Variants in FAM53C observed in about 807,000 individuals in gnomAD.
The protein encoded by FAM53C is protein FAM53C.
FAM53C carries 10 observed loss-of-function variants against 34.7 expected under a neutral mutation model. The ratio of observed to expected loss-of-function variants is 0.29; its 90% CI spans 0.18 to 0.49. FAM53C has a LOEUF of 0.49. FAM53C is among the 20% of genes least tolerant of loss of function. The pLI is 0.99. For missense variants in FAM53C, 442 were observed against 515.3 expected (o/e 0.86, Z 1.38); for synonymous variants, 203 against 203.6 (o/e 1.00, Z 0.03).
chr5:138,344,349 T>G (rs1761110758), intron 3 of FAM53C, among the ~76,000 whole-genome samples: 1 of 152,184 alleles, frequency 6.6e-6, no homozygotes, highest in Non-Finnish European at 1.5e-5. Context: ...CTTGGTGCTG[T>G]TGACACATGA....
intron 1 of FAM53C, among the ~76,000 whole-genome samples, chr5:138,339,545 T>G (rs1366944467): frequency 1.3e-5 from 2 of 152,214 alleles, no homozygotes; most frequent in Non-Finnish European, 2.9e-5. Context: ...GAGAGTTTGC[T>G]TCATTCCCTG....
At position 138,341,271 on chromosome 5, in the gene FAM53C, A is replaced by G; in HGVS notation, c.-65A>G. The G allele has an allele frequency of 7.2e-7, 1 of 1,391,866 alleles. No individual in the cohort carries two copies. 86.2% of individuals were successfully genotyped at this position (1,391,866 alleles called of 1,614,324 possible). ...AAGACGGCTCACAAGTGAGGTCTGG[A>G]AGAACAACAGGGAAGACATCCATCA... On this transcript the variant is annotated 5_prime_UTR_variant, in exon 2 of 5. Transcript: ENST00000239906.
intron 1 of FAM53C, 141 bp downstream of exon 1, chr5:138,338,448 G>C (rs1285195420): frequency 3.0e-6 from 1 of 330,878 alleles, no homozygotes. Context: ...GAGAGCACGG[G>C]ACCCGGTGGG....
At chr5:138,338,197 A>G (rs1299990238), upstream of FAM53C, 1 of 1,281,002 alleles carries the variant, frequency 7.8e-7, no homozygotes, top group Non-Finnish European at 1.0e-6. Context: ...CTGTCCCCCT[A>G]CTCTCCTCAG....
chr5:138,345,310 G>A lies in FAM53C; in HGVS notation c.622G>A (p.Ala208Thr), dbSNP rs750168384. The A allele has an allele frequency of 8.1e-6, 13 of 1,614,024 alleles. No individual in the cohort carries two copies. The highest frequency in any genetic ancestry group is 4.5e-5 in the East Asian group (2 of 44,884). Residue 208 changes from alanine to threonine, a missense_variant, in exon 4 of 5, where the codon GCC (alanine) becomes ACC (threonine). Transcript: ENST00000239906. The surrounding 1 kb of genome is among the most constrained non-coding windows in gnomAD (Gnocchi z 6.3). ...LAQDSSRPCA[A>T]SPQSGSWESD... ...CCAAGATTCCTCTCGACCCTGCGCC[G>A]CCTCCCCTCAAAGTGGCTCCTGGGA...
chr5:138,344,238 A>G (rs1042465484), intron 3 of FAM53C, among the ~76,000 whole-genome samples: 6 of 152,214 alleles, frequency 3.9e-5, no homozygotes, highest in Non-Finnish European at 8.8e-5. Context: ...CCCAGGTTTC[A>G]CTGTCAAAGG....
intron 3 of FAM53C, among the ~76,000 whole-genome samples, chr5:138,343,322 C>T (rs1385995682): frequency 6.6e-6 from 1 of 151,846 alleles, no homozygotes; most frequent in African/African-American, 2.4e-5. Flanking sequence ...CCAGCCTGGC[C>T]AGCATGGTGA....
At position 138,345,375 on chromosome 5, in the gene FAM53C, C is replaced by T. The variant is rs1320020582; in HGVS notation, c.687C>T (p.Arg229=). The T allele has an allele frequency of 3.1e-6, 5 of 1,614,152 alleles. No homozygotes were observed. The highest frequency in any genetic ancestry group is 4.5e-5 in the East Asian group (2 of 44,880). The change falls in exon 4 of 5, where the codon CGC becomes CGT. Residue 229 remains arginine, a synonymous_variant. Transcript: ENST00000239906. This position sits in a 1 kb window ranked among gnomAD's most constrained non-coding sequence, Gnocchi z 6.3. ...CCTTGTCACCTTGCCCACCTCAGCG[C>T]CGCTTCTCCCTGTCACCCAGTCTGG... ...AESLSPCPPQ[R]RFSLSPSLGP...
At chr5:138,338,105 C>A (rs1156629275), upstream of FAM53C, 3 of 1,289,860 alleles carry the variant, frequency 2.3e-6, no homozygotes, top group Non-Finnish European at 3.0e-6. Flanking sequence ...CCCAACAGCG[C>A]TGTCCGAGAG....
intron 4 of FAM53C, 134 bp from the exon 5 acceptor site, chr5:138,346,568 G>C (rs1173659936): frequency 1.8e-6 from 2 of 1,115,426 alleles, no homozygotes; most frequent in African/African-American, 1.6e-5. Context: ...AGCTTGCAGT[G>C]AGCCAAGATC....
chr5:138,347,166 G>A lies in FAM53C; in HGVS notation c.*207G>A. The A allele has an allele frequency of 1.4e-6, 1 of 692,630 alleles. No individual in the cohort carries two copies. The highest frequency in any genetic ancestry group is 2.4e-6 in the Non-Finnish European group (1 of 422,790). The allele number at this position is 692,630 out of a possible 1,614,324, so 42.9% of individuals were successfully genotyped here. A position where few individuals can be genotyped will look rare whatever the true frequency, so the allele number is the denominator to read the frequency against. ...AAGATAAACGGAGCTGGTGGCGGGA[G>A]GGACAGCCCCAGAGCAGACCCTTCC... On this transcript the variant is annotated 3_prime_UTR_variant, in exon 5 of 5. Transcript: ENST00000239906.
upstream of FAM53C, chr5:138,337,888 CG>C (rs1467592785): frequency 8.6e-7 from 1 of 1,168,634 alleles, no homozygotes; most frequent in Admixed American, 2.6e-5. Context: ...TGACGCGGCC[CG>C]AACCGAGTGG....
chr5:138,338,293 G>A lies in FAM53C; in HGVS notation c.-167G>A, dbSNP rs1424318789. 1.4e-6 allele frequency: 1 copy of A among 738,836 alleles called. No individual in the cohort carries two copies. Among genetic ancestry groups the A allele is most frequent in the African/African-American group, 1.8e-5 (1 of 55,016 alleles). The allele number at this position is 738,836 out of a possible 1,614,324, so 45.8% of individuals were successfully genotyped here. A position where few individuals can be genotyped will look rare whatever the true frequency, so the allele number is the denominator to read the frequency against. ...AGCTGCTCCGGCCGCGGCCCTGGGA[G>A]CTGGAGGAACCGCGGTAGGTGGTGG... On this transcript the variant is annotated 5_prime_UTR_variant, in exon 1 of 5. Transcript: ENST00000239906.
In FAM53C at chr5:138,345,365, C is replaced by T; in HGVS notation, c.677C>T (p.Pro226Leu). 6.2e-7 allele frequency: 1 copy of T among 1,614,160 alleles called. No individual in the cohort carries two copies. The highest frequency in any genetic ancestry group is 8.5e-7 in the Non-Finnish European group (1 of 1,180,026). Residue 226 changes from proline to leucine, a missense_variant, in exon 4 of 5, where the codon CCA becomes CTA. Coordinates refer to ENST00000239906, the MANE Select transcript of FAM53C (RefSeq NM_016605.3). This position sits in a 1 kb window ranked among gnomAD's most constrained non-coding sequence, Gnocchi z 6.3. ...ESDAESLSPC[P>L]PQRRFSLSPS... ...GATGCTGAGTCCTTGTCACCTTGCC[C>T]ACCTCAGCGCCGCTTCTCCCTGTCA...
intron 4 of FAM53C, 55 bp from the exon 5 acceptor site, chr5:138,346,647 C>T: frequency 6.2e-7 from 1 of 1,605,096 alleles, no homozygotes; most frequent in Non-Finnish European, 8.5e-7. Context: ...TTACAAACCT[C>T]ACCCTAAAGA....
chr5:138,338,589 ACCC>A (rs60039274), intron 1 of FAM53C, among the ~76,000 whole-genome samples: 9 of 126,986 alleles, frequency 7.1e-5, no homozygotes, highest in African/African-American at 1.8e-4. Context: ...GCCCTGGCGC[ACCC>A]CCCCCCCCGC....
Position 138,346,741 on chromosome 5 carries a change from C to G in FAM53C, c.961C>G (p.Arg321Gly). The G allele has an allele frequency of 6.2e-7, 1 of 1,614,156 alleles. No individual in the cohort carries two copies. The highest frequency in any genetic ancestry group is 8.5e-7 in the Non-Finnish European group (1 of 1,180,038). Residue 321 changes from arginine to glycine, a missense_variant, in exon 5 of 5, where the codon CGG becomes GGG. Transcript: ENST00000239906. ...AGGTCTTTGTCTCCAAGAAACAGCCCGGGAAGGCAGCAGCATCTCTCCACC... is the reference window on the plus strand; with the variant it reads ...AGGTCTTTGTCTCCAAGAAACAGCCGGGGAAGGCAGCAGCATCTCTCCACC... ...SGGLCLQETAREGSSISPPWF... is the reference protein window; with the variant it reads ...SGGLCLQETAGEGSSISPPWF...
In FAM53C at chr5:138,347,049, G is replaced by C. The variant is rs1012076289; in HGVS notation, c.*90G>C. The C allele has an allele frequency of 1.9e-6, 3 of 1,553,468 alleles. No homozygotes were observed. The African/African-American group carries it at 4.1e-5, about 21-fold the overall frequency. ...GTCCCCAAGGCTGGGGGCCGAGCCT[G>C]GGAATGGGGGTGAGTGGAGGGCTCC... On this transcript the variant is annotated 3_prime_UTR_variant, in exon 5 of 5. Coordinates refer to ENST00000239906, the MANE Select transcript of FAM53C (RefSeq NM_016605.3).
chr5:138,337,576 T>G, upstream of FAM53C: 1 of 199,996 alleles, frequency 5.0e-6, no homozygotes, highest in Non-Finnish European at 1.0e-5. Context: ...AGAGAGGGAG[T>G]GAACAGCCCT....
Sources: gnomAD v4.1 joint callset for allele counts (sites outside exome capture counted in the v4.1 genomes callset) on GRCh38, gnomAD v4.1.1 for gene constraint, Gnocchi (gnomAD v3.1) non-coding constraint, MANE v1.5 for transcripts, NCBI Gene and HGNC (gene_info 2026-07-23, HGNC 2026-07-21) for gene names.